SLAIN1: variants seen among roughly 807,000 people sequenced by gnomAD.
The protein encoded by SLAIN1 is SLAIN family member 1.
A neutral mutation model predicts 55.4 loss-of-function variants in SLAIN1; 17 were observed. The ratio of observed to expected loss-of-function variants is 0.31; its 90% CI spans 0.21 to 0.46. SLAIN1 has a LOEUF of 0.46. Ranked by LOEUF, SLAIN1 falls within the 20% of genes least tolerant of loss-of-function variation. SLAIN1 has a pLI of 1.00. For synonymous variants in SLAIN1, 348 were observed against 337.4 expected, an observed-to-expected ratio of 1.03 and a Z score of -0.35; for missense variants, 682 against 785.1, an observed-to-expected ratio of 0.87 and a Z score of 1.57.
In SLAIN1 at chr13:77,763,388, T is replaced by G; in HGVS notation, c.*168T>G. The G allele has an allele frequency of 5.0e-6, 3 of 596,912 alleles. No individual in the cohort carries two copies. Among genetic ancestry groups the G allele is most frequent in the Non-Finnish European group, 5.9e-6 (2 of 337,878 alleles). The allele number at this position is 596,912 out of a possible 1,614,324, so 37.0% of individuals were successfully genotyped here. ...AGTCACCAGAGACTAATTATTGCAC[T>G]TAAATATTTGCCTGAGATACTGCAA... On this transcript the variant is annotated 3_prime_UTR_variant, in exon 7 of 7. Transcript: ENST00000418532.
chr13:77,706,530 A>C (rs1397740264), intron 1 of SLAIN1, among the ~76,000 whole-genome samples: 1 of 152,144 alleles, frequency 6.6e-6, no homozygotes, highest in Admixed American at 6.6e-5. Context: ...TTGTAGTGCT[A>C]TCCCCTCTGA....
chr13:77,743,024 T>C (rs1190797424), intron 2 of SLAIN1: 2 of 1,291,458 alleles, frequency 1.5e-6, no homozygotes, highest in Non-Finnish European at 2.0e-6. Context: ...AGCTAGCCGA[T>C]GGCGGAGTCT....
rs1234371931 is a variant in SLAIN1 at position 77,761,078 on chromosome 13, G to T, written c.1665G>T (p.Leu555=). The T allele has an allele frequency of 6.2e-7, 1 of 1,614,146 alleles. No homozygotes were observed. The highest frequency in any genetic ancestry group is 2.2e-5 in the East Asian group (1 of 44,892). Residue 555 remains leucine, a synonymous_variant, in exon 6 of 7, where the codon CTG becomes CTT. Coordinates refer to ENST00000418532, the MANE Select transcript of SLAIN1 (RefSeq NM_001242868.2). The part of the protein sequence containing the change: ...RPSLAINGSN[L]PRSKIAQPVR... Reference sequence around the variant, plus strand: ...CGTTGGCAATAAATGGGAGTAACCTGCCTCGAAGCAAAATTGCACAACCTG... The same window carrying T: ...CGTTGGCAATAAATGGGAGTAACCTTCCTCGAAGCAAAATTGCACAACCTG...
chr13:77,719,538 C>T lies in SLAIN1; in HGVS notation c.633C>T (p.Tyr211=). 2 of 1,611,876 alleles carry T rather than the reference C, an allele frequency of 1.2e-6. No individual in the cohort carries two copies. Among genetic ancestry groups the T allele is most frequent in the Non-Finnish European group, 1.7e-6 (2 of 1,178,670 alleles). Residue 211 remains tyrosine, a synonymous_variant, in exon 2 of 7, where the codon TAC becomes TAT. Transcript: ENST00000418532. Reference sequence around the variant, plus strand: ...GTAGATTTCTTTTTTTAAGGTTATACATTGGCTCTTCAAAGACGTTCACCT... The same window carrying T: ...GTAGATTTCTTTTTTTAAGGTTATATATTGGCTCTTCAAAGACGTTCACCT... ...WRDEDDYTWL[Y]IGSSKTFTSS...
intron 2 of SLAIN1, among the ~76,000 whole-genome samples, chr13:77,739,812 G>A (rs978007192): frequency 6.6e-6 from 1 of 151,914 alleles, no homozygotes; most frequent in Non-Finnish European, 1.5e-5. Flanking sequence ...AGCATTTATC[G>A]AATCTAGTTT....
intron 5 of SLAIN1, among the ~76,000 whole-genome samples, chr13:77,756,138 T>C (rs1874584056): frequency 6.6e-6 from 1 of 152,174 alleles, no homozygotes; most frequent in South Asian, 2.1e-4. Flanking sequence ...GGATTATGCC[T>C]ATTAATTCTA....
rs2091000732 is a variant in SLAIN1, at chr13:77,698,787, C to G, written c.626+248C>G. On this transcript the variant is annotated intron_variant, in intron 1 of 6. Transcript: ENST00000418532. The surrounding 1 kb of genome is among the most constrained non-coding windows in gnomAD (Gnocchi z 4.1). ...GGATGAACCGGCCCCCCCTTCCCCC[C>G]ATCTGCCATGGGTTCTGCTATTTGC... 1 of 1,269,922 alleles carries G rather than the reference C, an allele frequency of 7.9e-7. No homozygotes were observed. Among genetic ancestry groups the G allele is most frequent in the South Asian group, 1.7e-5 (1 of 57,948 alleles). 78.7% of individuals were successfully genotyped at this position (1,269,922 alleles called of 1,614,324 possible).
intron 2 of SLAIN1, among the ~76,000 whole-genome samples, chr13:77,721,220 C>G (rs1185051500): frequency 6.6e-6 from 1 of 152,140 alleles, no homozygotes; most frequent in Non-Finnish European, 1.5e-5. Flanking sequence ...CTTCCTCGCT[C>G]TTTCACTTTC....
Position 77,764,108 on chromosome 13 carries a change from A to C in SLAIN1, c.*888A>C, listed in dbSNP as rs1213367465. 6.6e-6 allele frequency: 1 copy of C among 152,630 alleles called. No individual in the cohort carries two copies. The highest frequency in any genetic ancestry group is 1.9e-4 in the East Asian group (1 of 5,206). The allele number at this position is 152,630 out of a possible 1,614,324, so 9.5% of individuals were successfully genotyped here. A position where few individuals can be genotyped will look rare whatever the true frequency, so the allele number is the denominator to read the frequency against. On this transcript the variant is annotated 3_prime_UTR_variant, in exon 7 of 7. Transcript: ENST00000418532. Reference sequence around the variant, plus strand: ...ATTTTAAAGCAAATAAATCTTTTTGATAGACCTTTTACAAAATCCATTTGC... The same window carrying C: ...ATTTTAAAGCAAATAAATCTTTTTGCTAGACCTTTTACAAAATCCATTTGC...
At chr13:77,744,786 G>A (rs191216995) in intron 3 of SLAIN1, among the ~76,000 whole-genome samples, 1 of 152,054 alleles carries the variant, frequency 6.6e-6, no homozygotes, top group Non-Finnish European at 1.5e-5. Context: ...AAACTTGCAC[G>A]TGAATGTTCT....
intron 4 of SLAIN1, among the ~76,000 whole-genome samples, chr13:77,751,276 G>A (rs1216017826): frequency 1.3e-5 from 2 of 152,040 alleles, no homozygotes; most frequent in Non-Finnish European, 2.9e-5. Flanking sequence ...ATCTTCCATG[G>A]TTTACCCCTA....
intron 2 of SLAIN1, chr13:77,741,012 C>A: frequency 4.1e-6 from 1 of 241,840 alleles, no homozygotes; most frequent in Non-Finnish European, 6.7e-6. Flanking sequence ...TAATTGTGTT[C>A]CTAGTTGGGA....
Position 77,698,783 on chromosome 13 carries a change from C to T in SLAIN1, c.626+244C>T. 1.6e-6 allele frequency: 2 copies of T among 1,242,372 alleles called. No homozygotes were observed. Among genetic ancestry groups the T allele is most frequent in the South Asian group, 1.7e-5 (1 of 57,234 alleles). The allele number at this position is 1,242,372 out of a possible 1,614,324, so 77.0% of individuals were successfully genotyped here. ...CTGCGGATGAACCGGCCCCCCCTTCCCCCCATCTGCCATGGGTTCTGCTAT... is the reference window on the plus strand; with the variant it reads ...CTGCGGATGAACCGGCCCCCCCTTCTCCCCATCTGCCATGGGTTCTGCTAT... On this transcript the variant is annotated intron_variant, in intron 1 of 6. Transcript: ENST00000418532. This position sits in a 1 kb window ranked among gnomAD's most constrained non-coding sequence, Gnocchi z 4.1.
At chr13:77,738,882 C>G (rs758264470) in intron 2 of SLAIN1, among the ~76,000 whole-genome samples, 1 of 152,198 alleles carries the variant, frequency 6.6e-6, no homozygotes, top group Non-Finnish European at 1.5e-5. Context: ...GTAACTCTTT[C>G]TTGGATTGCA....
At chr13:77,756,602 CATA>C (rs1181094708) in intron 5 of SLAIN1, among the ~76,000 whole-genome samples, 3 of 152,082 alleles carry the variant, frequency 2.0e-5, no homozygotes, top group African/African-American at 7.2e-5. Flanking sequence ...AGTTACCCAA[CATA>C]ATGAGTGCAT....
At position 77,763,720 on chromosome 13, in the gene SLAIN1, A is replaced by C. The variant is rs565736860; in HGVS notation, c.*500A>C. The C allele has an allele frequency of 1.3e-5, 2 of 153,098 alleles. No homozygotes were observed. The highest frequency in any genetic ancestry group is 4.8e-5 in the African/African-American group (2 of 41,578). 9.5% of individuals were successfully genotyped at this position (153,098 alleles called of 1,614,324 possible). On this transcript the variant is annotated 3_prime_UTR_variant, in exon 7 of 7. Transcript: ENST00000418532. ...ATTTCTTTTTACACCTATGTGAACCACTATGGAACAACTTAAATTTTGTGC... is the reference window on the plus strand; with the variant it reads ...ATTTCTTTTTACACCTATGTGAACCCCTATGGAACAACTTAAATTTTGTGC...
At chr13:77,734,868 A>C (rs1434950548) in intron 2 of SLAIN1, among the ~76,000 whole-genome samples, 1 of 151,984 alleles carries the variant, frequency 6.6e-6, no homozygotes, top group Non-Finnish European at 1.5e-5. Context: ...AAAAATACAT[A>C]AAACAGCCAG....
chr13:77,754,318 A>G (rs938826072), intron 5 of SLAIN1, among the ~76,000 whole-genome samples: 1 of 152,174 alleles, frequency 6.6e-6, no homozygotes, highest in Non-Finnish European at 1.5e-5. Flanking sequence ...AAGTGACATC[A>G]TTTACTCTGT....
rs1275199409 is a variant in SLAIN1, at chr13:77,698,987, A to G, written c.626+448A>G. ...CTTTCGTTTTAAACGAACGCTGGAC[A>G]GGATTTGCGTGCTCTTCCTCCTCGG... On this transcript the variant is annotated intron_variant, in intron 1 of 6. Coordinates refer to ENST00000418532, the MANE Select transcript of SLAIN1 (RefSeq NM_001242868.2). The surrounding 1 kb of genome is among the most constrained non-coding windows in gnomAD (Gnocchi z 4.1). The G allele has an allele frequency of 2.0e-6, 3 of 1,534,744 alleles. No homozygotes were observed. The highest frequency in any genetic ancestry group is 2.6e-6 in the Non-Finnish European group (3 of 1,146,780).
Sources: allele counts gnomAD v4.1 joint callset (sites outside exome capture counted in the v4.1 genomes callset), GRCh38; gene constraint gnomAD v4.1.1; non-coding constraint Gnocchi (gnomAD v3.1); transcripts MANE v1.5; gene names NCBI Gene and HGNC (gene_info 2026-07-23, HGNC 2026-07-21).